Variants in PAXIP1 observed in about 807,000 individuals in gnomAD.
The protein encoded by PAXIP1 is PAX-interacting protein 1.
A neutral mutation model predicts 140.6 loss-of-function variants in PAXIP1; 19 were observed. The ratio of observed to expected loss-of-function variants is 0.14; its 90% CI spans 0.09 to 0.20. The LOEUF is 0.20. Among genes scored for constraint, PAXIP1 ranks in the 10% least tolerant of loss-of-function variants. The pLI, the probability that PAXIP1 is intolerant of heterozygous loss-of-function variation, is 1.00. For synonymous variants in PAXIP1, 442 were observed against 444.6 expected (o/e 0.99, Z 0.07); for missense variants, 920 against 1,208.6 (o/e 0.76, Z 3.54).
At position 154,946,634 on chromosome 7, in the gene PAXIP1, A is replaced by G. The variant is rs1563357882; in HGVS notation, c.3057+45T>C. ...TCTCAGTGACCGAACGCTGAATGTG[A>G]TACAGGGCAATGACGGACTCGCTGG... is the stretch of plus-strand genomic sequence containing the variant. On this transcript the variant is annotated intron_variant, in intron 18 of 20. Coordinates refer to ENST00000404141, the MANE Select transcript of PAXIP1 (RefSeq NM_007349.4). This position sits in a 1 kb window ranked among gnomAD's most constrained non-coding sequence, Gnocchi z 4.9. The G allele has an allele frequency of 6.2e-7, 1 of 1,613,668 alleles. No individual in the cohort carries two copies. The highest frequency in any genetic ancestry group is 1.1e-5 in the South Asian group (1 of 91,066).
At chr7:154,966,387 TCCTTA>T (rs1385438545) in intron 8 of PAXIP1, among the ~76,000 whole-genome samples, 2 of 152,196 alleles carry the variant, frequency 1.3e-5, no homozygotes, top group Non-Finnish European at 2.9e-5. Flanking sequence ...ATCATGGCTC[TCCTTA>T]CATTTCTTTT....
chr7:154,966,752 T>C (rs1008540012), intron 8 of PAXIP1, among the ~76,000 whole-genome samples: 4 of 152,156 alleles, frequency 2.6e-5, no homozygotes, highest in Non-Finnish European at 4.4e-5. Flanking sequence ...CACCCTCAGA[T>C]TCAACCCTTT....
intron 6 of PAXIP1, among the ~76,000 whole-genome samples, chr7:154,972,483 T>G (rs914692060): frequency 6.6e-6 from 1 of 152,186 alleles, no homozygotes; most frequent in Non-Finnish European, 1.5e-5. Context: ...AGTGAGACTC[T>G]GTCTCAAAAA....
chr7:154,959,883 G>T lies in PAXIP1; in HGVS notation c.2478+7C>A. 8 of 1,577,122 alleles carry T rather than the reference G, an allele frequency of 5.1e-6. No homozygotes were observed. The highest frequency in any genetic ancestry group is 7.0e-6 in the Non-Finnish European group (8 of 1,146,680). ...ATAGCCAAGGTAAGGTTATTAATTT[G>T]ACATACCATCAACAACTCTGCAGAC... On this transcript the variant is annotated splice_region_variant and intron_variant, in intron 13 of 20. Transcript: ENST00000404141.
intron 10 of PAXIP1, among the ~76,000 whole-genome samples, chr7:154,962,088 A>G (rs1808778470): frequency 6.6e-6 from 1 of 152,248 alleles, no homozygotes; most frequent in African/African-American, 2.4e-5. Flanking sequence ...AATAGTGTCA[A>G]AGACTGGAGA....
intron 4 of PAXIP1, among the ~76,000 whole-genome samples, chr7:154,989,971 C>T (rs1810248711): frequency 6.6e-6 from 1 of 151,350 alleles, no homozygotes; most frequent in Admixed American, 6.6e-5. Flanking sequence ...ATAAATAATG[C>T]TTATCAATAA....
intron 15 of PAXIP1, 98 bp downstream of exon 15, chr7:154,955,427 ACTAT>A (rs1406169860): frequency 1.9e-5 from 13 of 697,416 alleles, no homozygotes; most frequent in African/African-American, 3.6e-5. Context: ...GACTGTTATA[ACTAT>A]CTAAACTATG....
At chr7:154,977,996 G>A (rs1167380280) in intron 5 of PAXIP1, among the ~76,000 whole-genome samples, 1 of 129,018 alleles carries the variant, frequency 7.8e-6, no homozygotes, top group Non-Finnish European at 1.5e-5. Flanking sequence ...CCAAATTAGA[G>A]ACTAGTGGAA....
At chr7:154,994,645 T>C (rs1283693764) in intron 2 of PAXIP1, among the ~76,000 whole-genome samples, 1 of 152,204 alleles carries the variant, frequency 6.6e-6, no homozygotes, top group Non-Finnish European at 1.5e-5. Flanking sequence ...ATGTACACCT[T>C]AAATAAATTT....
chr7:154,951,023 A>ACT (rs1178844436), intron 16 of PAXIP1: 3 of 152,256 alleles, frequency 2.0e-5, no homozygotes, highest in African/African-American at 7.2e-5. Context: ...CAGTGGAACA[A>ACT]CTCCATATGA....
At chr7:154,980,450 T>G (rs1809789422) in intron 5 of PAXIP1, among the ~76,000 whole-genome samples, 1 of 152,262 alleles carries the variant, frequency 6.6e-6, no homozygotes, top group Non-Finnish European at 1.5e-5. Context: ...GGTCTCACTT[T>G]GTTGCCCAGG....
At chr7:154,995,710 C>T (rs986076767) in intron 2 of PAXIP1, among the ~76,000 whole-genome samples, 2 of 152,028 alleles carry the variant, frequency 1.3e-5, no homozygotes, top group African/African-American at 2.4e-5. Flanking sequence ...GTTAGCCGGG[C>T]GTGGTGGCAC....
chr7:154,992,654 G>C (rs1810398692), intron 3 of PAXIP1, among the ~76,000 whole-genome samples: 1 of 151,696 alleles, frequency 6.6e-6, no homozygotes, highest in African/African-American at 2.4e-5. Flanking sequence ...AAATGACCTG[G>C]AACAACAAAA....
In PAXIP1 at chr7:154,956,824, G is replaced by A. The variant is rs1230113765; in HGVS notation, c.2549+400C>T. 6.3e-6 allele frequency: 1 copy of A among 158,026 alleles called. No individual in the cohort carries two copies. The highest frequency in any genetic ancestry group is 1.4e-5 in the Non-Finnish European group (1 of 72,342). The allele number at this position is 158,026 out of a possible 1,614,324, so 9.8% of individuals were successfully genotyped here. On this transcript the variant is annotated intron_variant, in intron 14 of 20. Transcript: ENST00000404141. The surrounding 1 kb of genome is among the most constrained non-coding windows in gnomAD (Gnocchi z 4.2). ...CTCTCGGCACCTACATGCTCTCTCG[G>A]CAGCCTACATGCTCTCTCGGCAGCC...
intron 14 of PAXIP1, 100 bp downstream of exon 14, chr7:154,957,124 T>G (rs1808548982): frequency 3.3e-6 from 2 of 607,694 alleles, no homozygotes; most frequent in Admixed American, 6.5e-5. Context: ...CAAATCTTAT[T>G]TACTGCAAAA....
chr7:154,982,482 C>G (rs896588213), intron 5 of PAXIP1, among the ~76,000 whole-genome samples: 3 of 152,212 alleles, frequency 2.0e-5, no homozygotes, highest in Admixed American at 2.0e-4. Context: ...TCCTGAGTAG[C>G]TGGGATTACA....
In PAXIP1 at chr7:154,970,204, TAACTC is replaced by T. The variant is rs1302409747; in HGVS notation, c.1075-1083_1075-1079del. Among the ~76,000 whole-genome samples the T allele has an allele frequency of 8.5e-5, 13 of 152,368 alleles. No homozygotes were observed. The East Asian group carries it at 1.5e-3, about 18-fold the overall frequency. On this transcript the variant is annotated intron_variant, in intron 6 of 20. Coordinates refer to ENST00000404141, the MANE Select transcript of PAXIP1 (RefSeq NM_007349.4). ...GAAATCAGTAAAAATAGATTTTACT[TAACTC>T]AATCCATACAACTTTTAACCCTATT... is the stretch of plus-strand genomic sequence containing the variant.
At position 154,947,959 on chromosome 7, in the gene PAXIP1, A is replaced by G; in HGVS notation, c.2866T>C (p.Phe956Leu). ...ILRDAEAEVL[F>L]SFSLEESLKR... ...AAGGATTCTTCCAAGCTGAAAGAGA[A>G]AAGTACTTCTGCCTCAGCATCTCGG... The change falls in exon 17 of 21, where the codon TTC (phenylalanine) becomes CTC (leucine). Residue 956 changes from phenylalanine (F) to leucine (L), a missense_variant. Around this residue, in one of 5 missense-constraint regions of PAXIP1, gnomAD observed 303 missense variants for 517.9 expected, o/e 0.59. Coordinates refer to ENST00000404141, the MANE Select transcript of PAXIP1 (RefSeq NM_007349.4). 1 of 1,613,676 alleles carries G rather than the reference A, an allele frequency of 6.2e-7. No individual in the cohort carries two copies. Among genetic ancestry groups the G allele is most frequent in the Non-Finnish European group, 8.5e-7 (1 of 1,179,580 alleles).
intron 17 of PAXIP1, chr7:154,947,408 G>A (rs1011707678): frequency 6.5e-6 from 1 of 154,844 alleles, no homozygotes; most frequent in African/African-American, 2.4e-5. Context: ...TTAGTTCTTT[G>A]GTACAAAAAA....
Sources: gnomAD v4.1 joint callset for allele counts (sites outside exome capture counted in the v4.1 genomes callset) on GRCh38, gnomAD v4.1.1 for gene constraint, gnomAD v4.1.1 regional missense constraint, Gnocchi (gnomAD v3.1) non-coding constraint, MANE v1.5 for transcripts, NCBI Gene and HGNC (gene_info 2026-07-23, HGNC 2026-07-21) for gene names.